Variants in PTPRZ1 observed in about 807,000 individuals in gnomAD.
PTPRZ1 encodes protein tyrosine phosphatase receptor type Z1.
A neutral mutation model predicts 214.1 loss-of-function variants in PTPRZ1; 82 were observed. That is an observed-to-expected ratio of 0.38 (90% confidence interval 0.32 to 0.46). The LOEUF is 0.46. Ranked by LOEUF, PTPRZ1 falls within the 20% of genes least tolerant of loss-of-function variation. The pLI is 1.00. For missense variants in PTPRZ1, 2,603 were observed against 2,748.7 expected, an observed-to-expected ratio of 0.95 and a Z score of 1.19; for synonymous variants, 945 against 987.9, an observed-to-expected ratio of 0.96 and a Z score of 0.81.
intron 1 of PTPRZ1, among the ~76,000 whole-genome samples, chr7:121,900,540 A>C (rs192780415): frequency 8.9e-4 from 136 of 152,300 alleles, no homozygotes; most frequent in Middle Eastern, 3.4e-3. Flanking sequence ...AATGATGTAC[A>C]ATTGGCAAAG....
At position 122,061,084 on chromosome 7, in the gene PTPRZ1, A is replaced by T; in HGVS notation, c.6812A>T (p.Gln2271Leu). Residue 2271 changes from glutamine to leucine, a missense_variant, in exon 30 of 30, where the codon CAG becomes CTG. By Grantham distance (113) the Gln-to-Leu change is moderately radical (BLOSUM62 -2). Coordinates refer to ENST00000393386, the MANE Select transcript of PTPRZ1 (RefSeq NM_002851.3). ...CTCCCATCTTCTGTTCTCTAGGAGC[A>T]GTATCAGTTTCTCTACAAAGTGATC... ...MRPGVFADIE[Q>L]YQFLYKVILS... The T allele has an allele frequency of 6.3e-7, 1 of 1,597,688 alleles. No individual in the cohort carries two copies. The highest frequency in any genetic ancestry group is 8.5e-7 in the Non-Finnish European group (1 of 1,172,568).
At chr7:121,893,737 T>A (rs1465529078) in intron 1 of PTPRZ1, among the ~76,000 whole-genome samples, 1 of 152,228 alleles carries the variant, frequency 6.6e-6, no homozygotes, top group Non-Finnish European at 1.5e-5. Flanking sequence ...TTTTTTTCTG[T>A]TATTCACCAT....
chr7:122,001,486 T>C (rs1345083548), intron 10 of PTPRZ1, among the ~76,000 whole-genome samples: 1 of 152,214 alleles, frequency 6.6e-6, no homozygotes, highest in Non-Finnish European at 1.5e-5. Context: ...TGTTACTGTG[T>C]GCTTTCAGTT....
At chr7:121,927,401 C>A (rs558514252) in intron 1 of PTPRZ1, among the ~76,000 whole-genome samples, 1 of 152,308 alleles carries the variant, frequency 6.6e-6, no homozygotes, top group African/African-American at 2.4e-5. Flanking sequence ...TGGAAGCAGG[C>A]ATGGCTCCTG....
intron 2 of PTPRZ1, among the ~76,000 whole-genome samples, chr7:121,955,429 C>CTTTGTTTGTTTG (rs71172155): frequency 5.2e-4 from 78 of 150,488 alleles, no homozygotes; most frequent in Admixed American, 7.3e-4. Context: ...TCCACCAGGG[C>CTTTGTTTGTTTG]TTTGTTTGTT....
At chr7:121,949,841 GA>G (rs1796500391) in intron 2 of PTPRZ1, among the ~76,000 whole-genome samples, 1 of 151,984 alleles carries the variant, frequency 6.6e-6, no homozygotes, top group Non-Finnish European at 1.5e-5. Flanking sequence ...TTTTCACATT[GA>G]AAAATCCAAA....
chr7:121,947,380 T>C (rs1273257514), intron 2 of PTPRZ1, among the ~76,000 whole-genome samples: 2 of 152,172 alleles, frequency 1.3e-5, no homozygotes, highest in Non-Finnish European at 2.9e-5. Context: ...TGTGTTGCTC[T>C]GCTATGCTGA....
In PTPRZ1 at chr7:122,038,874, C is replaced by T. The variant is rs774439925; in HGVS notation, c.5487C>T (p.Leu1829=). 7 of 1,613,476 alleles carry T rather than the reference C, an allele frequency of 4.3e-6. No homozygotes were observed. The East Asian group carries it at 6.7e-5, about 15-fold the overall frequency. Residue 1829 remains leucine (L), a synonymous_variant, in exon 19 of 30, where the codon CTC becomes CTT. Coordinates refer to ENST00000393386, the MANE Select transcript of PTPRZ1 (RefSeq NM_002851.3). ...AAGTTATTGTCATGATAACAAACCT[C>T]GTGGAGAAAGGAAGGGTATGTAGAT... ...NVEVIVMITN[L]VEKGRRKCDQ... is the part of the protein sequence containing the mutation.
chr7:122,022,876 A>G (rs1799059559), intron 13 of PTPRZ1, among the ~76,000 whole-genome samples: 1 of 152,202 alleles, frequency 6.6e-6, no homozygotes, highest in Admixed American at 6.5e-5. Context: ...AAGAATAGAC[A>G]TATAGATCAA....
chr7:121,928,086 A>C (rs539806369), intron 1 of PTPRZ1, 70 bp from the exon 2 acceptor site: 3 of 1,087,172 alleles, frequency 2.8e-6, no homozygotes, highest in East Asian at 4.7e-5. Flanking sequence ...GGTATGAATA[A>C]TTTGGGCATC....
chr7:122,058,359 G>A (rs553776364), intron 27 of PTPRZ1, among the ~76,000 whole-genome samples: 15 of 152,010 alleles, frequency 9.9e-5, no homozygotes, highest in African/African-American at 3.1e-4. Context: ...CCTCCTTGTC[G>A]GCGTTTTCTC....
At chr7:122,051,607 G>A (rs1562883600) in intron 24 of PTPRZ1, 86 bp downstream of exon 24, 2 of 1,055,440 alleles carry the variant, frequency 1.9e-6, no homozygotes, top group East Asian at 4.9e-5. Context: ...TATACCTTTG[G>A]AGCAAATGGA....
intron 8 of PTPRZ1, among the ~76,000 whole-genome samples, chr7:121,988,902 G>A (rs1311688093): frequency 6.6e-6 from 1 of 152,146 alleles, no homozygotes; most frequent in Non-Finnish European, 1.5e-5. Context: ...AGTAGGATTA[G>A]CATGTGTGTA....
intron 2 of PTPRZ1, among the ~76,000 whole-genome samples, chr7:121,955,454 T>C (rs1275302771): frequency 6.6e-6 from 1 of 151,916 alleles, no homozygotes; most frequent in African/African-American, 2.4e-5. Flanking sequence ...TGTTTGTTTG[T>C]TTGTTTGTTT....
At chr7:122,037,379 G>T (rs1178094373) in intron 18 of PTPRZ1, among the ~76,000 whole-genome samples, 1 of 152,116 alleles carries the variant, frequency 6.6e-6, no homozygotes, top group Non-Finnish European at 1.5e-5. Context: ...AATTTCCATA[G>T]TAGTACTGAT....
intron 1 of PTPRZ1, among the ~76,000 whole-genome samples, chr7:121,890,005 C>A (rs1280133753): frequency 6.6e-6 from 1 of 151,712 alleles, no homozygotes; most frequent in Non-Finnish European, 1.5e-5. Context: ...CCTTCTCATC[C>A]CCCCAACTTC....
At chr7:121,969,345 T>A (rs774377232) in intron 3 of PTPRZ1, among the ~76,000 whole-genome samples, 5 of 152,170 alleles carry the variant, frequency 3.3e-5, no homozygotes, top group Non-Finnish European at 5.9e-5. Context: ...GTGGATCACC[T>A]GAGGTCAGGA....
intron 12 of PTPRZ1, among the ~76,000 whole-genome samples, chr7:122,015,442 T>A (rs1798815206): frequency 2.0e-5 from 3 of 152,148 alleles, no homozygotes; most frequent in African/African-American, 7.2e-5. Context: ...ATAGAAAACT[T>A]TTTCTGTATT....
intron 2 of PTPRZ1, among the ~76,000 whole-genome samples, chr7:121,929,435 CAGAT>C (rs1795858069): frequency 1.3e-5 from 2 of 150,098 alleles, no homozygotes; most frequent in South Asian, 4.2e-4. Context: ...GATGAATTGA[CAGAT>C]AGATGTGTTT....
Sources: gnomAD v4.1 joint callset for allele counts (sites outside exome capture counted in the v4.1 genomes callset) on GRCh38, gnomAD v4.1.1 for gene constraint, MANE v1.5 for transcripts, NCBI Gene and HGNC (gene_info 2026-07-23, HGNC 2026-07-21) for gene names.